Variants in SCAPER observed in about 807,000 individuals in gnomAD.
The protein encoded by SCAPER is S-phase cyclin A associated protein in the ER, also known as S phase cyclin A-associated protein in the endoplasmic reticulum.
SCAPER carries 98 observed loss-of-function variants against 182.2 expected under a neutral mutation model. The ratio of observed to expected loss-of-function variants is 0.54; its 90% CI spans 0.46 to 0.64. The LOEUF (loss-of-function observed/expected upper bound fraction) is 0.64, where lower values mean the gene tolerates loss of function less well. SCAPER is among the 30% of genes least tolerant of loss of function. The pLI is 0.00. For missense variants in SCAPER, 1,432 were observed against 1,690.0 expected, an observed-to-expected ratio of 0.85 and a Z score of 2.68; for synonymous variants, 605 against 564.6, an observed-to-expected ratio of 1.07 and a Z score of -1.01.
intron 27 of SCAPER, among the ~76,000 whole-genome samples, chr15:76,403,145 T>G (rs2098952631): frequency 6.6e-6 from 1 of 152,168 alleles, no homozygotes; most frequent in African/African-American, 2.4e-5. Context: ...AGAGGACACC[T>G]CCATGGAGGG....
chr15:76,771,637 G>A, intron 10 of SCAPER, 105 bp downstream of exon 10: 1 of 754,324 alleles, frequency 1.3e-6, no homozygotes, highest in South Asian at 2.2e-5. Context: ...ATATAAAAAT[G>A]CTTTAAAAAG....
At chr15:76,532,533 C>T (rs1451425000) in intron 23 of SCAPER, among the ~76,000 whole-genome samples, 1 of 152,098 alleles carries the variant, frequency 6.6e-6, no homozygotes, top group Non-Finnish European at 1.5e-5. Flanking sequence ...TATTTTCTCT[C>T]ATTCAAGTCT....
Position 76,733,009 on chromosome 15 carries a change from A to C in SCAPER, c.2022+220T>G, listed in dbSNP as rs543966719. ...TGCCCGTTTGTCTTGTATCCAATAA[A>C]TATCAGCACAGCCTGGCATTCAGGG... On this transcript the variant is annotated intron_variant, in intron 16 of 31. Coordinates refer to ENST00000563290, the MANE Select transcript of SCAPER (RefSeq NM_020843.4). Among the ~76,000 whole-genome samples, 133 of 152,132 alleles carry C rather than the reference A, an allele frequency of 8.7e-4. 1 individual carries two copies. Among genetic ancestry groups the C allele is most frequent in the Middle Eastern group, 3.4e-3 (1 of 294 alleles).
chr15:76,497,145 T>C (rs2040638522), intron 24 of SCAPER, among the ~76,000 whole-genome samples: 1 of 117,378 alleles, frequency 8.5e-6, no homozygotes, highest in African/African-American at 3.1e-5. Flanking sequence ...CCTTCCTTAG[T>C]CCTGTAAAAC....
At chr15:76,593,871 A>T (rs1214870653) in intron 22 of SCAPER, among the ~76,000 whole-genome samples, 1 of 121,222 alleles carries the variant, frequency 8.2e-6, no homozygotes, top group Non-Finnish European at 2.0e-5. Context: ...ATGAGGAAAA[A>T]CCAGCACAAA....
intron 15 of SCAPER, among the ~76,000 whole-genome samples, chr15:76,752,879 A>AT (rs2062178570): frequency 6.7e-6 from 1 of 149,378 alleles, no homozygotes; most frequent in South Asian, 2.1e-4. Context: ...TAAATTTTAC[A>AT]TTATGTTTTT....
intron 2 of SCAPER, among the ~76,000 whole-genome samples, chr15:76,878,111 TACAC>T: frequency 6.6e-6 from 1 of 152,234 alleles, no homozygotes. Context: ...ACGTGTTTCA[TACAC>T]ACAAAGAGAG....
chr15:76,368,656 G>A (rs187243880), intron 29 of SCAPER, among the ~76,000 whole-genome samples: 1 of 152,294 alleles, frequency 6.6e-6, no homozygotes, highest in Non-Finnish European at 1.5e-5. Context: ...AGCTCAATGG[G>A]GGCAAAGGGG....
intron 20 of SCAPER, among the ~76,000 whole-genome samples, chr15:76,683,519 G>A (rs970644229): frequency 6.6e-6 from 1 of 151,990 alleles, no homozygotes; most frequent in Non-Finnish European, 1.5e-5. Flanking sequence ...CCCTGACCAT[G>A]CTAGAAAGGC....
chr15:76,509,783 A>G (rs978283436), intron 23 of SCAPER, among the ~76,000 whole-genome samples: 9 of 152,220 alleles, frequency 5.9e-5, no homozygotes, highest in Admixed American at 2.0e-4. Flanking sequence ...CTAAACAAAA[A>G]GAACGAATCT....
chr15:76,877,052 A>G (rs2073221277), intron 2 of SCAPER, among the ~76,000 whole-genome samples: 1 of 152,148 alleles, frequency 6.6e-6, no homozygotes, highest in Non-Finnish European at 1.5e-5. Context: ...CCTGGGAAAC[A>G]TAGGGAGACC....
chr15:76,634,591 C>T (rs894368719), intron 21 of SCAPER, among the ~76,000 whole-genome samples: 1 of 152,152 alleles, frequency 6.6e-6, no homozygotes, highest in Non-Finnish European at 1.5e-5. Flanking sequence ...GAATGTCTTT[C>T]AATTTTTCAG....
At chr15:76,351,025 T>C (rs751607423) in intron 31 of SCAPER, 10 of 426,298 alleles carry the variant, frequency 2.3e-5, no homozygotes, top group Non-Finnish European at 4.2e-5. Context: ...TTTCTTTTAC[T>C]CCCACAGATT....
At chr15:76,465,469 A>G (rs185422092) in intron 25 of SCAPER, among the ~76,000 whole-genome samples, 1 of 152,314 alleles carries the variant, frequency 6.6e-6, no homozygotes, top group East Asian at 1.9e-4. Context: ...TTCAGCCCAC[A>G]GCACCCCTTT....
At chr15:76,360,006 G>T (rs1054690071) in intron 29 of SCAPER, among the ~76,000 whole-genome samples, 1 of 152,166 alleles carries the variant, frequency 6.6e-6, no homozygotes, top group Non-Finnish European at 1.5e-5. Flanking sequence ...CATCACCTTA[G>T]GTCTGCACAT....
chr15:76,586,210 TAGA>T lies in SCAPER; in HGVS notation c.2712-11929_2712-11927del, dbSNP rs202180826. On this transcript the variant is annotated intron_variant, in intron 22 of 31. Transcript: ENST00000563290. ...GGTGGGGTGGTCCACTAGGATCATT[TAGA>T]AGATTTGTAAAAGTGTAAAAAAAGA... Among the ~76,000 whole-genome samples the T allele has an allele frequency of 4.7e-3, 711 of 152,268 alleles. 4 individuals are homozygous for T. The highest frequency in any genetic ancestry group is 7.5e-3 in the African/African-American group (310 of 41,564).
intron 23 of SCAPER, among the ~76,000 whole-genome samples, chr15:76,528,864 C>T (rs1448493813): frequency 3.3e-5 from 5 of 152,244 alleles, no homozygotes; most frequent in Non-Finnish European, 5.9e-5. Flanking sequence ...CCTAGCTATG[C>T]TCCAGCCATT....
rs55912416 is a variant in SCAPER at position 76,357,150 on chromosome 15, T to TCACACACACACACACACACACA, written c.3856-3032_3856-3011dup. Among the ~76,000 whole-genome samples the TCACACACACACACACACACACA allele has an allele frequency of 5.5e-3, 707 of 128,924 alleles. 6 individuals are homozygous for TCACACACACACACACACACACA. The highest frequency in any genetic ancestry group is 0.011 in the Admixed American group (135 of 11,864). 84.6% of individuals were successfully genotyped at this position (128,924 alleles called of 152,430 possible). A position where few individuals can be genotyped will look rare whatever the true frequency, so the allele number is the denominator to read the frequency against. ...AAAAGAAGTAACCTTTTTATTGACATCACACACACACACACACACACACAC... is the reference window on the plus strand; with the variant it reads ...AAAAGAAGTAACCTTTTTATTGACATCACACACACACACACACACACACACACACACACACACACACACACAC... On this transcript the variant is annotated intron_variant, in intron 29 of 31. Transcript: ENST00000563290.
chr15:76,534,899 C>T (rs947102832), intron 23 of SCAPER, among the ~76,000 whole-genome samples: 2 of 151,872 alleles, frequency 1.3e-5, no homozygotes, highest in African/African-American at 2.4e-5. Flanking sequence ...CATCTTTATT[C>T]CTGGGCTAAG....
Sources: gnomAD v4.1 joint callset for allele counts (sites outside exome capture counted in the v4.1 genomes callset) on GRCh38, gnomAD v4.1.1 for gene constraint, MANE v1.5 for transcripts, NCBI Gene and HGNC (gene_info 2026-07-23, HGNC 2026-07-21) for gene names.